NEK11: variants seen among roughly 807,000 people sequenced by gnomAD.
NEK11 encodes the protein NIMA related kinase 11, also known as serine/threonine-protein kinase Nek11.
NEK11 carries 72 observed loss-of-function variants against 80.7 expected under a neutral mutation model. The ratio of observed to expected loss-of-function variants is 0.89; its 90% confidence interval spans 0.74 to 1.08. The LOEUF (loss-of-function observed/expected upper bound fraction) is 1.08, where lower values mean the gene tolerates loss of function less well. Among genes scored for constraint, NEK11 ranks in the 50% least tolerant of loss-of-function variants. The probability of loss-of-function intolerance (pLI) is 0.00; values close to 1 mark genes in which losing one functional copy is unlikely to be tolerated. For synonymous variants in NEK11, 251 were observed against 260.7 expected, an observed-to-expected ratio of 0.96 and a Z score of 0.36; for missense variants, 764 against 763.6, an observed-to-expected ratio of 1.00 and a Z score of -0.01.
intron 14 of NEK11, among the ~76,000 whole-genome samples, chr3:131,212,498 G>A (rs2094667304): frequency 6.6e-6 from 1 of 151,864 alleles, no homozygotes; most frequent in Non-Finnish European, 1.5e-5. Context: ...CTCCGTGCTT[G>A]GAGAACCACT....
chr3:131,197,585 G>C (rs2094069422), intron 14 of NEK11, among the ~76,000 whole-genome samples: 1 of 152,176 alleles, frequency 6.6e-6, no homozygotes, highest in South Asian at 2.1e-4. Context: ...GCCTGGCCCA[G>C]TAAATAATAA....
rs930593519 is a variant in NEK11 at position 131,179,354 on chromosome 3, T to C, written c.1399+8467T>C. ...GATAGGCTAAGAAAAGGACAGAACT[T>C]GTACTGACAGTTTCCTATGCAGATT... On this transcript the variant is annotated intron_variant, in intron 14 of 17. Transcript: ENST00000383366. Among the ~76,000 whole-genome samples the C allele has an allele frequency of 3.3e-5, 5 of 152,210 alleles. No homozygotes were observed. In the South Asian group the frequency reaches 1.0e-3, roughly 32 times the overall value.
At chr3:131,209,168 G>A (rs1433747457) in intron 14 of NEK11, among the ~76,000 whole-genome samples, 1 of 152,112 alleles carries the variant, frequency 6.6e-6, no homozygotes, top group Non-Finnish European at 1.5e-5. Flanking sequence ...AGAGTTTTTA[G>A]CATGAAGGGC....
chr3:131,243,145 C>T (rs12637449), intron 15 of NEK11, among the ~76,000 whole-genome samples: 12 of 152,134 alleles, frequency 7.9e-5, no homozygotes, highest in East Asian at 1.9e-4. Flanking sequence ...CATAAGCACA[C>T]GAAGGAGACA....
chr3:131,159,647 C>T (rs1375574931), intron 10 of NEK11, among the ~76,000 whole-genome samples: 2 of 152,082 alleles, frequency 1.3e-5, no homozygotes, highest in African/African-American at 2.4e-5. Context: ...TGCCTGTAAT[C>T]CCAGTTACCA....
At chr3:131,126,537 C>G (rs1445677214) in intron 5 of NEK11, among the ~76,000 whole-genome samples, 1 of 152,130 alleles carries the variant, frequency 6.6e-6, no homozygotes, top group Non-Finnish European at 1.5e-5. Context: ...ATCTCACTGT[C>G]TTCTGGATTC....
chr3:131,049,225 C>T (rs1411017776), intron 3 of NEK11, among the ~76,000 whole-genome samples: 1 of 152,164 alleles, frequency 6.6e-6, no homozygotes, highest in East Asian at 1.9e-4. Context: ...AACAAATGGA[C>T]CTCATGGTAT....
At chr3:131,052,504 T>C (rs529915550) in intron 3 of NEK11, among the ~76,000 whole-genome samples, 3 of 152,170 alleles carry the variant, frequency 2.0e-5, no homozygotes, top group Non-Finnish European at 4.4e-5. Context: ...GCTGGCAACA[T>C]TTGAGAAGTT....
intron 16 of NEK11, among the ~76,000 whole-genome samples, chr3:131,266,460 T>A (rs1190580667): frequency 6.6e-6 from 1 of 152,246 alleles, no homozygotes; most frequent in Non-Finnish European, 1.5e-5. Flanking sequence ...TATTTCGTTA[T>A]TTACCCAGTA....
intron 3 of NEK11, among the ~76,000 whole-genome samples, chr3:131,037,736 G>A (rs1396019956): frequency 6.6e-6 from 1 of 152,054 alleles, no homozygotes; most frequent in Non-Finnish European, 1.5e-5. Flanking sequence ...ACCTATTTAT[G>A]GATATTTCTG....
intron 16 of NEK11, among the ~76,000 whole-genome samples, chr3:131,243,763 CATAATA>C (rs1376843783): frequency 6.6e-6 from 1 of 151,998 alleles, no homozygotes; most frequent in Non-Finnish European, 1.5e-5. Flanking sequence ...CCTAGCAGTG[CATAATA>C]ACAAGTTTGT....
intron 17 of NEK11, among the ~76,000 whole-genome samples, chr3:131,317,488 GTCC>G (rs958491666): frequency 2.6e-5 from 4 of 151,912 alleles, no homozygotes; most frequent in African/African-American, 9.7e-5. Flanking sequence ...GATGATCACA[GTCC>G]TTACCACTGA....
intron 14 of NEK11, among the ~76,000 whole-genome samples, chr3:131,213,215 A>ACG (rs397772317): frequency 9.9e-5 from 15 of 151,560 alleles, no homozygotes; most frequent in Admixed American, 3.9e-4. Flanking sequence ...ACACACACAC[A>ACG]TCCCATCTTG....
At chr3:131,290,371 A>G (rs1223887284) in intron 17 of NEK11, among the ~76,000 whole-genome samples, 1 of 152,250 alleles carries the variant, frequency 6.6e-6, no homozygotes, top group Non-Finnish European at 1.5e-5. Context: ...TCAGCTCGTA[A>G]GAGAAAAGAA....
intron 4 of NEK11, among the ~76,000 whole-genome samples, chr3:131,083,178 G>T (rs907148846): frequency 2.6e-5 from 4 of 152,206 alleles, no homozygotes; most frequent in Non-Finnish European, 5.9e-5. Context: ...ACTGAATTTC[G>T]AGAATCACCC....
chr3:131,334,189 C>T (rs1308044571), intron 17 of NEK11, among the ~76,000 whole-genome samples: 2 of 152,096 alleles, frequency 1.3e-5, no homozygotes, highest in Non-Finnish European at 2.9e-5. Context: ...CACACCACAC[C>T]TATTCCAAAA....
intron 4 of NEK11, among the ~76,000 whole-genome samples, chr3:131,093,353 T>C (rs753594701): frequency 7.9e-5 from 12 of 152,208 alleles, no homozygotes; most frequent in Non-Finnish European, 1.8e-4. Context: ...TATAGGTTTT[T>C]CCTACTATTA....
At chr3:131,163,480 A>C (rs1000871067) in intron 11 of NEK11, among the ~76,000 whole-genome samples, 6 of 152,202 alleles carry the variant, frequency 3.9e-5, no homozygotes, top group Non-Finnish European at 5.9e-5. Context: ...TAAGAGAAAT[A>C]AGCCAGGCAT....
At chr3:131,321,678 T>A (rs975070998) in intron 17 of NEK11, among the ~76,000 whole-genome samples, 1 of 151,948 alleles carries the variant, frequency 6.6e-6, no homozygotes, top group Non-Finnish European at 1.5e-5. Context: ...ATTTAAAAAA[T>A]GGGCAAGACA....
Sources: gnomAD v4.1 joint callset for allele counts (sites outside exome capture counted in the v4.1 genomes callset) on GRCh38, gnomAD v4.1.1 for gene constraint, MANE v1.5 for transcripts, NCBI Gene and HGNC (gene_info 2026-07-23, HGNC 2026-07-21) for gene names.